Variants in MDGA2 observed in about 807,000 individuals in gnomAD.
MDGA2 encodes MAM domain containing glycosylphosphatidylinositol anchor 2.
MDGA2 carries 40 observed loss-of-function variants against 117.8 expected under a neutral mutation model. The ratio of observed to expected loss-of-function variants is 0.34; its 90% CI spans 0.26 to 0.44. MDGA2 has a LOEUF of 0.44. Among genes scored for constraint, MDGA2 ranks in the 20% least tolerant of loss-of-function variants. MDGA2 has a pLI of 1.00. For missense variants in MDGA2, 1,123 were observed against 1,250.6 expected (o/e 0.90, Z 1.54); for synonymous variants, 452 against 439.0 (o/e 1.03, Z -0.37).
chr14:47,043,793 C>CGG (rs980810015), intron 7 of MDGA2, among the ~76,000 whole-genome samples: 2 of 152,102 alleles, frequency 1.3e-5, no homozygotes, highest in Admixed American at 6.6e-5. Context: ...CCCATTGCCT[C>CGG]ACCTTCCTTC....
At chr14:47,470,647 G>A (rs1178723179) in intron 1 of MDGA2, among the ~76,000 whole-genome samples, 1 of 152,066 alleles carries the variant, frequency 6.6e-6, no homozygotes, top group Non-Finnish European at 1.5e-5. Context: ...GGGATTGCTG[G>A]GTAGAATGGT....
intron 8 of MDGA2, chr14:46,997,081 C>G (rs1000479942): frequency 4.6e-6 from 1 of 216,976 alleles, no homozygotes; most frequent in African/African-American, 2.3e-5. Flanking sequence ...ACAGCTCCAA[C>G]ACATCTGTAG....
At chr14:47,305,293 A>T (rs1013923205) in intron 1 of MDGA2, 2 of 152,244 alleles carry the variant, frequency 1.3e-5, no homozygotes, top group South Asian at 2.1e-4. Context: ...ATCATCCTTA[A>T]ATTGGACTAA....
intron 1 of MDGA2, among the ~76,000 whole-genome samples, chr14:47,505,946 G>A (rs1045977744): frequency 1.3e-5 from 2 of 152,268 alleles, no homozygotes; most frequent in South Asian, 4.1e-4. Flanking sequence ...ATTCTTCACA[G>A]TGAAGTAGGA....
At chr14:47,392,796 G>T (rs1173075277) in intron 1 of MDGA2, among the ~76,000 whole-genome samples, 3 of 152,108 alleles carry the variant, frequency 2.0e-5, no homozygotes, top group Non-Finnish European at 2.9e-5. Context: ...TCTGTTGAAT[G>T]AGATTTCTTA....
At chr14:47,384,902 T>C (rs945158151) in intron 1 of MDGA2, among the ~76,000 whole-genome samples, 2 of 152,166 alleles carry the variant, frequency 1.3e-5, no homozygotes, top group South Asian at 2.1e-4. Context: ...CCTATAACAA[T>C]GGAGGAACCA....
At chr14:47,580,096 T>C (rs768125737) in intron 1 of MDGA2, among the ~76,000 whole-genome samples, 11 of 152,106 alleles carry the variant, frequency 7.2e-5, no homozygotes, top group Non-Finnish European at 2.9e-5. Flanking sequence ...CCCAGCTCTA[T>C]TGAATACTCT....
intron 1 of MDGA2, among the ~76,000 whole-genome samples, chr14:47,563,296 G>C (rs965054247): frequency 1.3e-5 from 2 of 151,986 alleles, no homozygotes; most frequent in Admixed American, 1.3e-4. Flanking sequence ...ATTTTTGTTA[G>C]TTTTCTGCCT....
chr14:47,544,741 T>C (rs1040007968), intron 1 of MDGA2, among the ~76,000 whole-genome samples: 2 of 152,126 alleles, frequency 1.3e-5, no homozygotes, highest in Admixed American at 6.5e-5. Flanking sequence ...GCCAATCACA[T>C]TGTTTCTCCC....
intron 6 of MDGA2, among the ~76,000 whole-genome samples, chr14:47,068,456 C>T (rs1265357224): frequency 6.7e-6 from 1 of 149,684 alleles, no homozygotes; most frequent in Non-Finnish European, 1.5e-5. Context: ...ACCAAAATGT[C>T]TTTATCGGTG....
chr14:47,302,993 A>G (rs1889331515), intron 1 of MDGA2, among the ~76,000 whole-genome samples: 1 of 152,164 alleles, frequency 6.6e-6, no homozygotes, highest in Non-Finnish European at 1.5e-5. Context: ...ATCCATCATC[A>G]AAATGATGGG....
At chr14:46,923,215 C>G (rs891973283) in intron 9 of MDGA2, among the ~76,000 whole-genome samples, 47 of 152,168 alleles carry the variant, frequency 3.1e-4, no homozygotes, top group African/African-American at 9.9e-4. Flanking sequence ...AAAACGTTAT[C>G]TTTATATTTA....
chr14:46,859,912 A>G (rs185870065), intron 14 of MDGA2, among the ~76,000 whole-genome samples: 5 of 152,260 alleles, frequency 3.3e-5, no homozygotes, highest in Admixed American at 3.3e-4. Flanking sequence ...ACAATATAAC[A>G]TTATCATTAA....
chr14:47,123,814 C>A (rs773814725), intron 5 of MDGA2, among the ~76,000 whole-genome samples: 1 of 151,910 alleles, frequency 6.6e-6, no homozygotes, highest in Non-Finnish European at 1.5e-5. Context: ...ACAATGCTGT[C>A]CCCAAAAGAT....
intron 3 of MDGA2, among the ~76,000 whole-genome samples, chr14:47,159,732 G>T (rs1200238125): frequency 6.6e-6 from 1 of 152,096 alleles, no homozygotes; most frequent in Non-Finnish European, 1.5e-5. Flanking sequence ...GCTTTCACTT[G>T]ATGATTTTCT....
intron 1 of MDGA2, among the ~76,000 whole-genome samples, chr14:47,480,922 T>G (rs1329057288): frequency 6.6e-6 from 1 of 151,982 alleles, no homozygotes; most frequent in African/African-American, 2.4e-5. Context: ...ATTGTTCTGA[T>G]AGTAATAATT....
intron 2 of MDGA2, among the ~76,000 whole-genome samples, chr14:47,298,645 T>A (rs973579034): frequency 6.6e-6 from 1 of 151,584 alleles, no homozygotes; most frequent in South Asian, 2.1e-4. Context: ...GCTTTCCTTA[T>A]ACAGTTTGTT....
At chr14:47,492,500 A>G (rs1894191911) in intron 1 of MDGA2, among the ~76,000 whole-genome samples, 1 of 152,126 alleles carries the variant, frequency 6.6e-6, no homozygotes, top group East Asian at 1.9e-4. Flanking sequence ...AGATATACAT[A>G]TATATATCTA....
intron 1 of MDGA2, among the ~76,000 whole-genome samples, chr14:47,558,616 G>A (rs1229575289): frequency 1.3e-5 from 2 of 152,178 alleles, no homozygotes; most frequent in Non-Finnish European, 2.9e-5. Flanking sequence ...GAGAGCACAC[G>A]TGCACATCCT....
Sources: gnomAD v4.1 joint callset for allele counts (sites outside exome capture counted in the v4.1 genomes callset) on GRCh38, gnomAD v4.1.1 for gene constraint, MANE v1.5 for transcripts, NCBI Gene and HGNC (gene_info 2026-07-23, HGNC 2026-07-21) for gene names.